Variants in CCDC178 observed in about 807,000 individuals in gnomAD.
CCDC178 encodes the protein coiled-coil domain-containing protein 178.
A neutral mutation model predicts 117.4 loss-of-function variants in CCDC178; 126 were observed. The observed-to-expected ratio is 1.07, with a 90% confidence interval of 0.93 to 1.24. The LOEUF (loss-of-function observed/expected upper bound fraction) is 1.24. Among genes scored for constraint, CCDC178 ranks in the 50% most tolerant of loss-of-function variants. The pLI, the probability that CCDC178 is intolerant of heterozygous loss-of-function variation, is 0.00. For synonymous variants in CCDC178, 283 were observed against 313.4 expected, an observed-to-expected ratio of 0.90 and a Z score of 1.02; for missense variants, 1,030 against 986.9, an observed-to-expected ratio of 1.04 and a Z score of -0.59.
At chr18:33,160,771 G>T (rs1305841535) in intron 20 of CCDC178, among the ~76,000 whole-genome samples, 1 of 152,074 alleles carries the variant, frequency 6.6e-6, no homozygotes, top group African/African-American at 2.4e-5. Context: ...TGAGTCTTCA[G>T]CCACTATTCA....
chr18:33,298,493 G>A (rs942806012), intron 11 of CCDC178, among the ~76,000 whole-genome samples: 11 of 151,966 alleles, frequency 7.2e-5, no homozygotes, highest in African/African-American at 2.7e-4. Flanking sequence ...ATAATACAGG[G>A]GCCATATATG....
At chr18:33,265,321 C>T (rs1358439932) in intron 14 of CCDC178, among the ~76,000 whole-genome samples, 1 of 152,006 alleles carries the variant, frequency 6.6e-6, no homozygotes, top group Non-Finnish European at 1.5e-5. Context: ...GATCTGACCT[C>T]ATGGATCTTC....
At chr18:33,067,596 G>A (rs1286235461) in intron 21 of CCDC178, among the ~76,000 whole-genome samples, 1 of 152,332 alleles carries the variant, frequency 6.6e-6, no homozygotes, top group African/African-American at 2.4e-5. Flanking sequence ...TGTAATCCCA[G>A]CACTTTGGGA....
intron 18 of CCDC178, among the ~76,000 whole-genome samples, chr18:33,217,758 T>A (rs1422069474): frequency 6.6e-6 from 1 of 152,052 alleles, no homozygotes; most frequent in Non-Finnish European, 1.5e-5. Context: ...TTTTTGTCAT[T>A]GATTTCTGAT....
intron 22 of CCDC178, among the ~76,000 whole-genome samples, chr18:32,944,332 T>C (rs1941273): frequency 0.93 from 142,079 of 152,220 alleles, 66,914 homozygotes; most frequent in Non-Finnish European, 0.99. Flanking sequence ...TCATTAAATA[T>C]ATCAGTGTTC....
chr18:33,022,866 A>C (rs922350447), intron 21 of CCDC178, among the ~76,000 whole-genome samples: 1 of 152,086 alleles, frequency 6.6e-6, no homozygotes, highest in African/African-American at 2.4e-5. Context: ...ATAATGATAT[A>C]TAGGGGGGCT....
intron 20 of CCDC178, among the ~76,000 whole-genome samples, chr18:33,096,349 TA>T (rs2057544020): frequency 9.3e-6 from 1 of 107,318 alleles, no homozygotes; most frequent in Admixed American, 8.9e-5. Flanking sequence ...TTTTATATTT[TA>T]TATAAAAATA....
Position 33,223,108 on chromosome 18 carries a change from C to G in CCDC178, c.1930G>C (p.Glu644Gln). 1.9e-6 allele frequency: 3 copies of G among 1,586,914 alleles called. No individual in the cohort carries two copies. The highest frequency in any genetic ancestry group is 2.6e-6 in the Non-Finnish European group (3 of 1,162,806). The stretch of plus-strand genomic sequence containing the variant: ...AGATTCTGAACTTAAATTCTTACCT[C>G]AGTTTCTATTAATGCATCAAGGGTT... ...KKTLDALIET[E>Q]SKRSAIFKDL... Residue 644 changes from glutamate (E) to glutamine (Q), a missense_variant and splice_region_variant, in exon 18 of 23, where the codon GAG (glutamate) becomes CAG (glutamine). By Grantham distance (29) the Glu-to-Gln change is conservative. Coordinates refer to ENST00000383096, the MANE Select transcript of CCDC178 (RefSeq NM_001105528.4).
intron 11 of CCDC178, among the ~76,000 whole-genome samples, chr18:33,295,417 A>T (rs1033945281): frequency 1.3e-5 from 2 of 152,130 alleles, no homozygotes; most frequent in African/African-American, 4.8e-5. Context: ...CAAGTACATG[A>T]TGAATAAAAG....
At chr18:33,064,716 T>C (rs895968456) in intron 21 of CCDC178, among the ~76,000 whole-genome samples, 2 of 152,180 alleles carry the variant, frequency 1.3e-5, no homozygotes, top group African/African-American at 2.4e-5. Flanking sequence ...ATACTCCATA[T>C]ATATCTAAGC....
intron 16 of CCDC178, among the ~76,000 whole-genome samples, chr18:33,225,409 C>T (rs1322458113): frequency 6.6e-6 from 1 of 152,180 alleles, no homozygotes; most frequent in Non-Finnish European, 1.5e-5. Flanking sequence ...ATCCACCCGC[C>T]TTGGCCTCCC....
chr18:33,419,269 C>T (rs2063990473), intron 2 of CCDC178, among the ~76,000 whole-genome samples: 1 of 152,164 alleles, frequency 6.6e-6, no homozygotes, highest in Admixed American at 6.5e-5. Context: ...CCCGTCCCTA[C>T]ACCACTATAT....
At chr18:33,337,214 G>A (rs1009781411) in intron 9 of CCDC178, among the ~76,000 whole-genome samples, 2 of 151,204 alleles carry the variant, frequency 1.3e-5, no homozygotes, top group African/African-American at 2.4e-5. Context: ...GTGTAGACCA[G>A]AGCTATTGAT....
At chr18:33,025,720 T>C (rs1200095389) in intron 21 of CCDC178, among the ~76,000 whole-genome samples, 1 of 151,964 alleles carries the variant, frequency 6.6e-6, no homozygotes, top group Non-Finnish European at 1.5e-5. Flanking sequence ...ACAAAAATAA[T>C]GAGAACACCA....
At chr18:33,435,436 T>G (rs879921846) in intron 2 of CCDC178, among the ~76,000 whole-genome samples, 5 of 152,102 alleles carry the variant, frequency 3.3e-5, no homozygotes, top group Non-Finnish European at 7.4e-5. Flanking sequence ...CTAAATTGTA[T>G]GTTAATTTGT....
At chr18:33,423,497 T>C (rs1015661129) in intron 2 of CCDC178, among the ~76,000 whole-genome samples, 2 of 152,196 alleles carry the variant, frequency 1.3e-5, no homozygotes, top group African/African-American at 4.8e-5. Flanking sequence ...TATTCTCCTA[T>C]TGATAAACAC....
At chr18:33,425,138 T>C (rs1182504208) in intron 2 of CCDC178, among the ~76,000 whole-genome samples, 1 of 152,154 alleles carries the variant, frequency 6.6e-6, no homozygotes, top group African/African-American at 2.4e-5. Context: ...ATTTTATCCA[T>C]ACAGCTTCTA....
At chr18:33,101,332 G>A (rs1302177479) in intron 20 of CCDC178, among the ~76,000 whole-genome samples, 1 of 151,332 alleles carries the variant, frequency 6.6e-6, no homozygotes, top group Non-Finnish European at 1.5e-5. Context: ...TCATGTGAAA[G>A]GCTGAACAAC....
chr18:32,988,384 C>T lies in CCDC178; in HGVS notation c.2389-13703G>A, dbSNP rs192566194. Among the ~76,000 whole-genome samples, 1,181 of 151,684 alleles carry T rather than the reference C, an allele frequency of 7.8e-3. 10 individuals are homozygous for T. Among genetic ancestry groups the T allele is most frequent in the Non-Finnish European group, 9.7e-3 (659 of 67,908 alleles). On this transcript the variant is annotated intron_variant, in intron 21 of 22. Coordinates refer to ENST00000383096, the MANE Select transcript of CCDC178 (RefSeq NM_001105528.4). ...CCAGGAGGCGGAGGTTGCAGCGAGCCGAGATCGTGCCACTGCATGCCAGCC... is the reference window on the plus strand; with the variant it reads ...CCAGGAGGCGGAGGTTGCAGCGAGCTGAGATCGTGCCACTGCATGCCAGCC...
Sources: gnomAD v4.1 joint callset for allele counts (sites outside exome capture counted in the v4.1 genomes callset) on GRCh38, gnomAD v4.1.1 for gene constraint, MANE v1.5 for transcripts, NCBI Gene and HGNC (gene_info 2026-07-23, HGNC 2026-07-21) for gene names.